The following PCDH15 variants were observed in gnomAD, a reference collection of about 807,000 sequenced individuals.
The protein encoded by PCDH15 is protocadherin-15.
A neutral mutation model predicts 178.5 loss-of-function variants in PCDH15; 129 were observed. The ratio of observed to expected loss-of-function variants is 0.72; its 90% CI spans 0.63 to 0.84. PCDH15 has a LOEUF of 0.84. Ranked by LOEUF, PCDH15 falls within the 40% of genes least tolerant of loss-of-function variation. The pLI, the probability that PCDH15 is intolerant of heterozygous loss-of-function variation, is 0.00. For synonymous variants in PCDH15, 800 were observed against 732.0 expected (o/e 1.09, Z -1.50); for missense variants, 2,230 against 2,099.9 (o/e 1.06, Z -1.21).
intron 9 of PCDH15, among the ~76,000 whole-genome samples, chr10:54,223,875 A>C (rs760384859): frequency 6.6e-6 from 1 of 152,202 alleles, no homozygotes; most frequent in Non-Finnish European, 1.5e-5. Context: ...GAAGAAAACA[A>C]AGTCCTTTCA....
chr10:54,208,969 T>C (rs961971864), intron 10 of PCDH15, among the ~76,000 whole-genome samples: 3 of 151,898 alleles, frequency 2.0e-5, no homozygotes, highest in Non-Finnish European at 2.9e-5. Flanking sequence ...TCTCTTGTCT[T>C]TTTTTTTCCT....
chr10:54,146,749 C>A (rs1351627721), intron 14 of PCDH15, among the ~76,000 whole-genome samples: 1 of 150,598 alleles, frequency 6.6e-6, no homozygotes. Flanking sequence ...TGAAAGCTGT[C>A]AATTTTAAAA....
At chr10:54,662,752 T>G (rs2094510352) in intron 2 of PCDH15, among the ~76,000 whole-genome samples, 2 of 151,972 alleles carry the variant, frequency 1.3e-5, no homozygotes, top group African/African-American at 2.4e-5. Context: ...GTGTGAACAC[T>G]TAATAAGAAT....
intron 19 of PCDH15, among the ~76,000 whole-genome samples, chr10:54,020,652 G>A (rs545117218): frequency 1.4e-4 from 20 of 144,360 alleles, no homozygotes; most frequent in African/African-American, 5.8e-4. Flanking sequence ...GACAGTGAGA[G>A]GGAGAGTCAG....
chr10:54,825,074 C>A (rs1953103413), intron 3 of PCDH15, among the ~76,000 whole-genome samples: 1 of 152,018 alleles, frequency 6.6e-6, no homozygotes, highest in Admixed American at 6.6e-5. Flanking sequence ...CTTCCTGTGT[C>A]CATGTGTTCT....
chr10:53,983,789 A>G (rs2090870702), intron 21 of PCDH15, among the ~76,000 whole-genome samples: 1 of 152,170 alleles, frequency 6.6e-6, no homozygotes, highest in Admixed American at 6.6e-5. Flanking sequence ...TAGCCAAAGG[A>G]ACTTAGAGAT....
At chr10:54,421,308 CTG>C in intron 3 of PCDH15, among the ~76,000 whole-genome samples, 1 of 151,324 alleles carries the variant, frequency 6.6e-6, no homozygotes, top group Non-Finnish European at 1.5e-5. Context: ...ATCTCTGACT[CTG>C]TAGTTTTTTT....
At chr10:55,072,998 C>A (rs983832667) in intron 2 of PCDH15, among the ~76,000 whole-genome samples, 3 of 152,070 alleles carry the variant, frequency 2.0e-5, no homozygotes, top group Non-Finnish European at 4.4e-5. Context: ...AGACAAAAAC[C>A]ACATGATTAT....
chr10:54,459,257 G>A (rs10825334), intron 3 of PCDH15, among the ~76,000 whole-genome samples: 20,602 of 151,922 alleles, frequency 0.14, 1,488 homozygotes, highest in East Asian at 0.29. Context: ...ACAAGAAGGC[G>A]AATAATTATC....
rs150378415 is a variant in PCDH15, at chr10:53,899,569, G to A, written c.3501+3674C>T. Among the ~76,000 whole-genome samples the A allele has an allele frequency of 1.7e-4, 26 of 151,924 alleles. No individual in the cohort carries two copies. In the East Asian group the frequency reaches 3.9e-3, roughly 23 times the overall value. On this transcript the variant is annotated intron_variant, in intron 26 of 37. Transcript: ENST00000644397. Reference sequence around the variant, plus strand: ...TTACATTTAACTTTTATCATTCTGCGTTATATCATGGACCAAAAAAAATTA... The same window carrying A: ...TTACATTTAACTTTTATCATTCTGCATTATATCATGGACCAAAAAAAATTA...
At chr10:54,355,022 T>C (rs1400253498) in intron 5 of PCDH15, among the ~76,000 whole-genome samples, 3 of 151,034 alleles carry the variant, frequency 2.0e-5, no homozygotes, top group African/African-American at 7.3e-5. Flanking sequence ...AATTACTGCC[T>C]GTTTATAAGT....
chr10:54,490,938 G>A (rs368962041), intron 3 of PCDH15, among the ~76,000 whole-genome samples: 4 of 152,136 alleles, frequency 2.6e-5, no homozygotes, highest in African/African-American at 9.7e-5. Context: ...TACTCCAGAT[G>A]CATTAGCTTT....
chr10:54,162,892 A>T (rs917698403), intron 13 of PCDH15, among the ~76,000 whole-genome samples: 1 of 152,086 alleles, frequency 6.6e-6, no homozygotes, highest in Admixed American at 6.6e-5. Flanking sequence ...CACTTAAGGC[A>T]TTCTTCGGTG....
intron 2 of PCDH15, among the ~76,000 whole-genome samples, chr10:55,425,376 A>G (rs757324172): frequency 6.6e-6 from 1 of 152,106 alleles, no homozygotes; most frequent in Non-Finnish European, 1.5e-5. Flanking sequence ...CAAAAATTTT[A>G]TGTAGCAATA....
intron 2 of PCDH15, among the ~76,000 whole-genome samples, chr10:54,575,678 TC>T (rs1225545873): frequency 2.0e-5 from 3 of 146,818 alleles, no homozygotes; most frequent in Non-Finnish European, 3.0e-5. Flanking sequence ...TCCTAATTTT[TC>T]AATATATGAA....
intron 6 of PCDH15, among the ~76,000 whole-genome samples, chr10:54,331,712 C>G (rs12354432): frequency 6.6e-6 from 1 of 151,716 alleles, no homozygotes. Context: ...TGGTTTCTAG[C>G]ATAAATATGG....
Position 54,378,848 on chromosome 10 carries a change from C to A in PCDH15, c.252G>T (p.Trp84Cys). 1 of 1,613,788 alleles carries A rather than the reference C, an allele frequency of 6.2e-7. No individual in the cohort carries two copies. The highest frequency in any genetic ancestry group is 8.5e-7 in the Non-Finnish European group (1 of 1,179,866). Residue 84 changes from tryptophan to cysteine, a missense_variant, in exon 4 of 38, where the codon TGG becomes TGT. Trp to Cys is a radical substitution (Grantham distance 215, BLOSUM62 -2). Transcript: ENST00000644397. ...ELSLKDNVDY[W>C]VLMDPVKQML... is the part of the protein sequence containing the mutation. ...TTTGCTTAACAGGATCCATCAACAC[C>A]CAGTAATCCACATTATCCTTTAAAG...
chr10:53,822,277 G>A, intron 32 of PCDH15: 1 of 1,613,658 alleles, frequency 6.2e-7, no homozygotes, highest in Non-Finnish European at 8.5e-7. Flanking sequence ...GGAGGAAGAG[G>A]AGTTGGAAAT....
At chr10:53,968,360 G>C (rs577601293) in intron 21 of PCDH15, among the ~76,000 whole-genome samples, 1 of 152,286 alleles carries the variant, frequency 6.6e-6, no homozygotes, top group African/African-American at 2.4e-5. Context: ...CAGGAAGCTC[G>C]AACCGGGTGG....
Sources: allele counts gnomAD v4.1 joint callset (sites outside exome capture counted in the v4.1 genomes callset), GRCh38; gene constraint gnomAD v4.1.1; transcripts MANE v1.5; gene names NCBI Gene and HGNC (gene_info 2026-07-23, HGNC 2026-07-21).